Variants in MIPOL1 observed in about 807,000 individuals in gnomAD.
The protein encoded by MIPOL1 is mirror-image polydactyly 1.
Under a neutral mutation model 60.9 loss-of-function variants are expected in MIPOL1, and 57 were observed. That is an observed-to-expected ratio of 0.94 (90% confidence interval 0.76 to 1.17). The LOEUF (loss-of-function observed/expected upper bound fraction) is 1.17, where lower values mean the gene tolerates loss of function less well. Ranked by LOEUF, MIPOL1 falls within the 50% of genes most tolerant of loss-of-function variation. The pLI, the probability that MIPOL1 is intolerant of heterozygous loss-of-function variation, is 0.00. For missense variants in MIPOL1, 551 were observed against 511.6 expected, an observed-to-expected ratio of 1.08 and a Z score of -0.74; for synonymous variants, 179 against 168.8, an observed-to-expected ratio of 1.06 and a Z score of -0.47.
At chr14:37,341,526 G>A (rs530626460) in intron 9 of MIPOL1, among the ~76,000 whole-genome samples, 160 of 152,262 alleles carry the variant, frequency 1.1e-3, no homozygotes, top group Middle Eastern at 3.4e-3. Context: ...TTTTATCTTT[G>A]TTAAGTATTT....
intron 1 of MIPOL1, among the ~76,000 whole-genome samples, chr14:37,244,266 G>A (rs1972824199): frequency 6.6e-6 from 1 of 151,244 alleles, no homozygotes; most frequent in Admixed American, 6.6e-5. Flanking sequence ...GACTACAGGT[G>A]CACACCACCA....
intron 12 of MIPOL1, chr14:37,505,096 T>C (rs1211781730): frequency 2.0e-5 from 3 of 152,220 alleles, no homozygotes; most frequent in East Asian, 1.9e-4. Context: ...GGCTCTGAAA[T>C]TGAGGCAATA....
intron 1 of MIPOL1, among the ~76,000 whole-genome samples, chr14:37,239,153 C>G (rs1218792770): frequency 6.7e-6 from 1 of 149,438 alleles, no homozygotes; most frequent in Non-Finnish European, 1.5e-5. Context: ...TCACACCTTT[C>G]TCCTGCCTCA....
intron 6 of MIPOL1, among the ~76,000 whole-genome samples, 188 bp downstream of exon 6, chr14:37,270,713 G>A (rs1014302772): frequency 6.8e-6 from 1 of 146,750 alleles, no homozygotes; most frequent in Non-Finnish European, 1.5e-5. Flanking sequence ...ATTAGTGAGA[G>A]CTTTACCTGT....
chr14:37,328,442 T>C (rs2089385655), intron 9 of MIPOL1, among the ~76,000 whole-genome samples: 1 of 152,162 alleles, frequency 6.6e-6, no homozygotes, highest in African/African-American at 2.4e-5. Flanking sequence ...TTTAAGTTTT[T>C]TTCAAAGCTT....
chr14:37,205,423 C>G (rs1306333635), intron 1 of MIPOL1, among the ~76,000 whole-genome samples: 5 of 151,926 alleles, frequency 3.3e-5, no homozygotes, highest in Non-Finnish European at 5.9e-5. Flanking sequence ...AATTTTTAAG[C>G]AACAAAGCTT....
intron 1 of MIPOL1, among the ~76,000 whole-genome samples, chr14:37,234,361 C>CTTTTTTT (rs3061899): frequency 5.2e-5 from 7 of 135,142 alleles, no homozygotes; most frequent in African/African-American, 1.9e-4. Context: ...CTTTTCTTTT[C>CTTTTTTT]TTTTTTTTTT....
chr14:37,264,560 C>G (rs2153382446), intron 3 of MIPOL1, among the ~76,000 whole-genome samples: 1 of 151,616 alleles, frequency 6.6e-6, no homozygotes, highest in Non-Finnish European at 1.5e-5. Context: ...CCCGGGAGGT[C>G]AAGGCTGCAG....
At chr14:37,512,894 T>C (rs2095339902) in intron 12 of MIPOL1, among the ~76,000 whole-genome samples, 1 of 152,138 alleles carries the variant, frequency 6.6e-6, no homozygotes, top group African/African-American at 2.4e-5. Context: ...TAGAAATTGC[T>C]CCTTAAAATA....
intron 1 of MIPOL1, among the ~76,000 whole-genome samples, chr14:37,235,015 TCTCCTGACCTTGTGATC>T (rs1971249390): frequency 6.7e-6 from 1 of 150,270 alleles, no homozygotes; most frequent in Non-Finnish European, 1.5e-5. Flanking sequence ...ATGGTCTTGA[TCTCCTGACCTTGTGATC>T]CGCCTGCCTT....
At chr14:37,529,077 A>T (rs888827819) in intron 12 of MIPOL1, among the ~76,000 whole-genome samples, 3 of 152,168 alleles carry the variant, frequency 2.0e-5, no homozygotes, top group African/African-American at 7.2e-5. Flanking sequence ...AACTCTTTCA[A>T]CTTGCTTTTT....
At chr14:37,485,662 A>T (rs1373921778) in intron 11 of MIPOL1, among the ~76,000 whole-genome samples, 1 of 152,008 alleles carries the variant, frequency 6.6e-6, no homozygotes, top group Non-Finnish European at 1.5e-5. Context: ...TCCTTTGCCC[A>T]CTTTTTGATG....
At chr14:37,346,515 T>C (rs1193908326) in intron 9 of MIPOL1, among the ~76,000 whole-genome samples, 2 of 152,194 alleles carry the variant, frequency 1.3e-5, no homozygotes, top group African/African-American at 4.8e-5. Context: ...TCTCTTTATT[T>C]ACAATTTTTC....
intron 10 of MIPOL1, among the ~76,000 whole-genome samples, chr14:37,415,418 C>CGAGACCATCCT (rs2093748846): frequency 6.6e-6 from 1 of 151,334 alleles, no homozygotes; most frequent in African/African-American, 2.4e-5. Context: ...GTCAGGAGAT[C>CGAGACCATCCT]GAGACCATCC....
intron 10 of MIPOL1, among the ~76,000 whole-genome samples, chr14:37,399,040 A>T (rs761818): frequency 0.99 from 150,520 of 152,322 alleles, 74,394 homozygotes; most frequent in Middle Eastern, 1. Flanking sequence ...ATAGAAAGCA[A>T]GATTGCAATT....
intron 12 of MIPOL1, among the ~76,000 whole-genome samples, chr14:37,529,998 T>G (rs1333934674): frequency 6.6e-6 from 1 of 152,216 alleles, no homozygotes; most frequent in Admixed American, 6.5e-5. Flanking sequence ...AATCTCTCAC[T>G]TAGCATTGGA....
intron 11 of MIPOL1, among the ~76,000 whole-genome samples, chr14:37,485,195 G>T (rs1896855280): frequency 6.6e-6 from 1 of 152,034 alleles, no homozygotes; most frequent in African/African-American, 2.4e-5. Flanking sequence ...ATATTCCATG[G>T]TGTATATGTG....
intron 11 of MIPOL1, among the ~76,000 whole-genome samples, chr14:37,494,285 G>GA (rs148519428): frequency 6.6e-6 from 1 of 152,070 alleles, no homozygotes; most frequent in Non-Finnish European, 1.5e-5. Context: ...AGATGAAATG[G>GA]AAAAAAACTA....
At chr14:37,230,440 G>C (rs905204721) in intron 1 of MIPOL1, among the ~76,000 whole-genome samples, 2 of 152,080 alleles carry the variant, frequency 1.3e-5, no homozygotes, top group African/African-American at 2.4e-5. Context: ...ATGCTTGCAG[G>C]GTGTTGCTCC....
Sources: allele counts gnomAD v4.1 joint callset (sites outside exome capture counted in the v4.1 genomes callset), GRCh38; gene constraint gnomAD v4.1.1; transcripts MANE v1.5; gene names NCBI Gene and HGNC (gene_info 2026-07-23, HGNC 2026-07-21).